The following GPHN variants were observed in gnomAD, a reference collection of about 807,000 sequenced individuals.
GPHN encodes the protein gephyrin.
Under a neutral mutation model 95.5 loss-of-function variants are expected in GPHN, and 17 were observed. The ratio of observed to expected loss-of-function variants is 0.18; its 90% CI spans 0.12 to 0.27. GPHN has a LOEUF of 0.27. GPHN is among the 10% of genes least tolerant of loss of function. The probability of loss-of-function intolerance (pLI) is 1.00; values close to 1 mark genes in which losing one functional copy is unlikely to be tolerated. For synonymous variants in GPHN, 320 were observed against 322.5 expected, an observed-to-expected ratio of 0.99 and a Z score of 0.08; for missense variants, 660 against 978.1, an observed-to-expected ratio of 0.67 and a Z score of 4.34.
the GPHN span, among the ~76,000 whole-genome samples, chr14:67,662,858 G>A: frequency 2.1e-5 from 3 of 144,234 alleles, no homozygotes; most frequent in Non-Finnish European, 4.5e-5. Context: ...AGCCGAGATT[G>A]CGCCATTGCA....
At chr14:67,230,768 A>T in the GPHN span, among the ~76,000 whole-genome samples, 1 of 152,218 alleles carries the variant, frequency 6.6e-6, no homozygotes, top group African/African-American at 2.4e-5. Flanking sequence ...ACTACTTAGC[A>T]ACAAAAAGAA....
chr14:66,998,328 T>C (rs1245879504), intron 9 of GPHN, among the ~76,000 whole-genome samples: 1 of 152,200 alleles, frequency 6.6e-6, no homozygotes, highest in East Asian at 1.9e-4. Flanking sequence ...GTGGTCTCCA[T>C]AGGTGCTGTT....
At chr14:66,736,911 A>G (rs939934096) in intron 2 of GPHN, among the ~76,000 whole-genome samples, 1 of 152,024 alleles carries the variant, frequency 6.6e-6, no homozygotes. Context: ...TGAATTCTAT[A>G]TCACTTCTTG....
chr14:67,555,047 G>T, the GPHN span, among the ~76,000 whole-genome samples: 1 of 151,980 alleles, frequency 6.6e-6, no homozygotes, highest in African/African-American at 2.4e-5. Flanking sequence ...TGAGTAGCTG[G>T]GACTACAGGC....
chr14:67,349,174 G>T, the GPHN span: 1 of 1,415,494 alleles, frequency 7.1e-7, no homozygotes. Context: ...CCACTGGATA[G>T]TTTTAACATT....
At chr14:67,092,909 TTGA>T (rs1220544716) in intron 12 of GPHN, among the ~76,000 whole-genome samples, 2 of 152,150 alleles carry the variant, frequency 1.3e-5, no homozygotes, top group South Asian at 4.1e-4. Context: ...AATCATCCTC[TTGA>T]TGCATTCACA....
At chr14:67,328,662 TAAGG>T in the GPHN span, among the ~76,000 whole-genome samples, 1 of 152,336 alleles carries the variant, frequency 6.6e-6, no homozygotes, top group South Asian at 2.1e-4. Flanking sequence ...GTATAAGGTG[TAAGG>T]AAGGGATCCA....
chr14:67,201,693 G>A, the GPHN span: 1 of 357,284 alleles, frequency 2.8e-6, no homozygotes, highest in African/African-American at 2.1e-5. Flanking sequence ...CCTGAGCCAT[G>A]ATATTGGACA....
chr14:67,651,647 G>T, the GPHN span: 41,469 of 602,932 alleles, frequency 0.069, 2,331 homozygotes, highest in East Asian at 0.22. Flanking sequence ...TGTCACTTAG[G>T]GATAACACTG....
At chr14:66,668,419 G>A (rs1297548736) in intron 1 of GPHN, among the ~76,000 whole-genome samples, 1 of 152,016 alleles carries the variant, frequency 6.6e-6, no homozygotes, top group African/African-American at 2.4e-5. Flanking sequence ...AAAGAAATGT[G>A]GTACACATAC....
the GPHN span, among the ~76,000 whole-genome samples, chr14:67,316,478 T>C: frequency 6.6e-6 from 1 of 152,310 alleles, no homozygotes; most frequent in African/African-American, 2.4e-5. Flanking sequence ...ATTGATATCC[T>C]TAATTTGAGA....
chr14:66,838,669 T>C (rs186826537), intron 4 of GPHN, among the ~76,000 whole-genome samples: 173 of 152,288 alleles, frequency 1.1e-3, no homozygotes, highest in Non-Finnish European at 2.0e-3. Flanking sequence ...TATATTTATC[T>C]AGAGACATAG....
At chr14:67,278,912 ATACT>A in the GPHN span, 3 of 259,310 alleles carry the variant, frequency 1.2e-5, no homozygotes, top group South Asian at 3.3e-4. Flanking sequence ...ATAATATTAC[ATACT>A]TATTATTTTC....
At chr14:66,686,460 C>T (rs1205703440) in intron 2 of GPHN, among the ~76,000 whole-genome samples, 1 of 152,074 alleles carries the variant, frequency 6.6e-6, no homozygotes, top group Non-Finnish European at 1.5e-5. Flanking sequence ...TGAAGAGGTC[C>T]TTCACATCCC....
chr14:67,061,601 A>G (rs1035765361), intron 11 of GPHN, among the ~76,000 whole-genome samples: 3 of 152,036 alleles, frequency 2.0e-5, no homozygotes. Context: ...CCTCCTTATC[A>G]TCAGACCTTG....
intron 16 of GPHN, among the ~76,000 whole-genome samples, chr14:67,116,957 A>G (rs965572965): frequency 3.3e-5 from 5 of 152,208 alleles, no homozygotes; most frequent in Non-Finnish European, 7.4e-5. Flanking sequence ...ATGAGAGCTC[A>G]TTGACTTTTC....
At chr14:67,472,088 C>T in the GPHN span, 5 of 152,118 alleles carry the variant, frequency 3.3e-5, no homozygotes, top group African/African-American at 9.6e-5. Flanking sequence ...AGGGTTAATA[C>T]TGTTTAAGGA....
intron 2 of GPHN, among the ~76,000 whole-genome samples, chr14:66,698,636 A>G (rs554456893): frequency 6.8e-4 from 104 of 152,302 alleles, no homozygotes; most frequent in African/African-American, 2.3e-3. Flanking sequence ...TCATTCACCT[A>G]TGTATTACCT....
At chr14:67,141,733 T>C (rs771429332) in intron 17 of GPHN, among the ~76,000 whole-genome samples, 19 of 152,202 alleles carry the variant, frequency 1.2e-4, no homozygotes, top group Non-Finnish European at 1.8e-4. Context: ...TTATCTCTTA[T>C]AGAGTCTGTG....
Sources: gnomAD v4.1 joint callset for allele counts (sites outside exome capture counted in the v4.1 genomes callset) on GRCh38, gnomAD v4.1.1 for gene constraint, MANE v1.5 for transcripts, NCBI Gene and HGNC (gene_info 2026-07-23, HGNC 2026-07-21) for gene names.